MAP7: variants seen among roughly 807,000 people sequenced by gnomAD.
MAP7 encodes ensconsin.
A neutral mutation model predicts 94.8 loss-of-function variants in MAP7; 52 were observed. That is an observed-to-expected ratio of 0.55 (90% CI 0.44 to 0.69). The LOEUF (loss-of-function observed/expected upper bound fraction) is 0.69, where lower values mean the gene tolerates loss of function less well. Ranked by LOEUF, MAP7 falls within the 30% of genes least tolerant of loss-of-function variation. The pLI is 0.00. For synonymous variants in MAP7, 350 were observed against 357.0 expected (o/e 0.98, Z 0.22); for missense variants, 940 against 964.6 (o/e 0.97, Z 0.34).
chr6:136,485,196 C>A (rs977182749), intron 1 of MAP7, among the ~76,000 whole-genome samples: 3 of 152,132 alleles, frequency 2.0e-5, no homozygotes, highest in Non-Finnish European at 2.9e-5. Context: ...AGGAATCTTA[C>A]AGTAAAGCAA....
At chr6:136,362,737 A>G (rs751388296) in intron 10 of MAP7, 35 bp from the exon 11 acceptor site, 1 of 1,520,296 alleles carries the variant, frequency 6.6e-7, no homozygotes, top group Middle Eastern at 1.8e-4. Context: ...AACCAGTTGG[A>G]AACAAAATCC....
At chr6:136,350,441 T>C (rs1423911216) in intron 16 of MAP7, among the ~76,000 whole-genome samples, 3 of 152,266 alleles carry the variant, frequency 2.0e-5, no homozygotes, top group Admixed American at 6.5e-5. Flanking sequence ...ATTTGTCATT[T>C]AAAGTTTTTA....
chr6:136,462,049 C>T (rs1805401306), intron 1 of MAP7, among the ~76,000 whole-genome samples: 1 of 151,708 alleles, frequency 6.6e-6, no homozygotes, highest in African/African-American at 2.4e-5. Context: ...GATGGTATAT[C>T]AAGCCAGGCA....
intron 1 of MAP7, among the ~76,000 whole-genome samples, chr6:136,441,575 T>C (rs1052156003): frequency 2.6e-5 from 4 of 152,208 alleles, no homozygotes; most frequent in African/African-American, 9.7e-5. Context: ...TGATCATGCA[T>C]ACCTTTGCAA....
intron 1 of MAP7, among the ~76,000 whole-genome samples, chr6:136,504,722 C>G (rs527271651): frequency 6.6e-6 from 1 of 152,156 alleles, no homozygotes; most frequent in South Asian, 2.1e-4. Context: ...GCTCTGTTGC[C>G]CAAGCTGGAG....
At chr6:136,531,346 G>A (rs1433576795) in intron 1 of MAP7, among the ~76,000 whole-genome samples, 1 of 144,820 alleles carries the variant, frequency 6.9e-6, no homozygotes, top group Non-Finnish European at 1.5e-5. Flanking sequence ...GAGGGTCTGT[G>A]AGCAGTTTAA....
chr6:136,381,871 T>C (rs2128634328), intron 6 of MAP7, among the ~76,000 whole-genome samples: 1 of 75,672 alleles, frequency 1.3e-5, no homozygotes, highest in African/African-American at 6.0e-5. Context: ...TTACCACTTC[T>C]AACCTTACAC....
intron 1 of MAP7, among the ~76,000 whole-genome samples, chr6:136,473,848 T>C (rs923354338): frequency 2.0e-5 from 3 of 152,218 alleles, no homozygotes; most frequent in Non-Finnish European, 4.4e-5. Context: ...GTGTCTCTCA[T>C]TTACCAAATG....
At chr6:136,420,281 G>A in intron 2 of MAP7, 1 of 855,180 alleles carries the variant, frequency 1.2e-6, no homozygotes. Context: ...AGCCGGCCAT[G>A]CTTCCAGAGG....
At position 136,494,980 on chromosome 6, in the gene MAP7, T is replaced by C. The variant is rs558490915; in HGVS notation, c.67+55362A>G. 3.9e-5 allele frequency among the ~76,000 whole-genome samples: 6 copies of C among 152,296 alleles called. No individual in the cohort carries two copies. In the South Asian group the frequency reaches 1.2e-3, roughly 32 times the overall value. Reference sequence around the variant, plus strand: ...TGAGAGACAGCGTGACACCTCATTTTATAACACTAAGGTCATCACTAAAAC... The same window carrying C: ...TGAGAGACAGCGTGACACCTCATTTCATAACACTAAGGTCATCACTAAAAC... On this transcript the variant is annotated intron_variant, in intron 1 of 17. Coordinates refer to ENST00000354570, the MANE Select transcript of MAP7 (RefSeq NM_003980.6).
intron 3 of MAP7, among the ~76,000 whole-genome samples, chr6:136,405,433 T>C (rs1785300083): frequency 6.6e-6 from 1 of 152,166 alleles, no homozygotes; most frequent in Non-Finnish European, 1.5e-5. Flanking sequence ...GGAGAGGGAA[T>C]GAACTATGTG....
intron 1 of MAP7, among the ~76,000 whole-genome samples, chr6:136,514,580 CAAAAAAA>C (rs1046225937): frequency 0.023 from 1,111 of 48,998 alleles, 6 homozygotes; most frequent in Non-Finnish European, 0.028. Context: ...GACTCTGTCT[CAAAAAAA>C]AAAAAAAAAA....
At chr6:136,345,790 A>G in intron 17 of MAP7, 66 bp downstream of exon 17, 1 of 1,228,778 alleles carries the variant, frequency 8.1e-7, no homozygotes, top group Non-Finnish European at 1.2e-6. Context: ...AGAAGGCAGC[A>G]GTTCGTGTCC....
intron 3 of MAP7, among the ~76,000 whole-genome samples, chr6:136,409,297 C>A (rs1786604017): frequency 6.6e-6 from 1 of 152,072 alleles, no homozygotes. Flanking sequence ...AGGAGGATCA[C>A]TGGAGCCAAG....
At chr6:136,540,108 T>C (rs917992080) in intron 1 of MAP7, among the ~76,000 whole-genome samples, 3 of 152,070 alleles carry the variant, frequency 2.0e-5, no homozygotes, top group Non-Finnish European at 2.9e-5. Flanking sequence ...ACCGCAGAGG[T>C]TACCAGCTGG....
intron 5 of MAP7, among the ~76,000 whole-genome samples, chr6:136,385,318 C>T (rs1008093243): frequency 2.0e-5 from 3 of 151,804 alleles, no homozygotes; most frequent in Non-Finnish European, 4.4e-5. Flanking sequence ...AGCTGATGGA[C>T]TCTTAGGGCA....
At chr6:136,411,396 T>C (rs1202850199) in intron 3 of MAP7, among the ~76,000 whole-genome samples, 2 of 152,152 alleles carry the variant, frequency 1.3e-5, no homozygotes, top group Non-Finnish European at 2.9e-5. Flanking sequence ...ATATATACTT[T>C]CCCTCCAGTG....
At chr6:136,408,219 TATAAAGCGTTTAAGGAAGAAAA>T (rs1786235450) in intron 3 of MAP7, among the ~76,000 whole-genome samples, 1 of 152,192 alleles carries the variant, frequency 6.6e-6, no homozygotes, top group Admixed American at 6.5e-5. Flanking sequence ...CTTTTCTACG[TATAAAGCGTTTAAGGAAGAAAA>T]ATAAAGCTTT....
intron 1 of MAP7, among the ~76,000 whole-genome samples, chr6:136,436,200 A>T (rs1055323586): frequency 2.0e-5 from 3 of 152,202 alleles, no homozygotes; most frequent in Admixed American, 2.0e-4. Flanking sequence ...GATTTTTAAA[A>T]TGTCTTAGAA....
Sources: gnomAD v4.1 joint callset for allele counts (sites outside exome capture counted in the v4.1 genomes callset) on GRCh38, gnomAD v4.1.1 for gene constraint, MANE v1.5 for transcripts, NCBI Gene and HGNC (gene_info 2026-07-23, HGNC 2026-07-21) for gene names.